Variants in RHOBTB1 observed in about 807,000 individuals in gnomAD.
The protein encoded by RHOBTB1 is rho-related BTB domain-containing protein 1.
RHOBTB1 carries 40 observed loss-of-function variants against 71.6 expected under a neutral mutation model. The ratio of observed to expected loss-of-function variants is 0.56; its 90% confidence interval spans 0.43 to 0.73. The LOEUF (loss-of-function observed/expected upper bound fraction) is 0.73, where lower values mean the gene tolerates loss of function less well. RHOBTB1 is among the 30% of genes least tolerant of loss of function. The pLI is 0.00. For missense variants in RHOBTB1, 797 were observed against 894.0 expected (o/e 0.89, Z 1.38); for synonymous variants, 319 against 334.9 (o/e 0.95, Z 0.52).
intron 1 of RHOBTB1, among the ~76,000 whole-genome samples, chr10:60,994,473 G>C (rs749109387): frequency 2.6e-5 from 4 of 152,080 alleles, no homozygotes; most frequent in Admixed American, 2.0e-4. Flanking sequence ...GGAGAAACAG[G>C]CTTGTGAAAA....
the RHOBTB1 span, among the ~76,000 whole-genome samples, chr10:60,863,239 T>C: frequency 6.6e-6 from 1 of 152,224 alleles, no homozygotes; most frequent in South Asian, 2.1e-4. Context: ...ATGAAGCCCT[T>C]TCAAATAAGC....
chr10:60,969,661 C>T (rs766395366), intron 2 of RHOBTB1, among the ~76,000 whole-genome samples: 4 of 152,040 alleles, frequency 2.6e-5, no homozygotes, highest in Non-Finnish European at 5.9e-5. Flanking sequence ...GTCCTATTGT[C>T]TGTGTGTTTT....
At chr10:60,944,911 A>G (rs1486722927), upstream of RHOBTB1, among the ~76,000 whole-genome samples, 1 of 152,104 alleles carries the variant, frequency 6.6e-6, no homozygotes, top group East Asian at 1.9e-4. Context: ...GGTGATTTAT[A>G]ACCTCCTGCA....
At chr10:60,954,542 A>G (rs1284471308) in intron 2 of RHOBTB1, among the ~76,000 whole-genome samples, 1 of 152,184 alleles carries the variant, frequency 6.6e-6, no homozygotes, top group South Asian at 2.1e-4. Flanking sequence ...ACACCCCATT[A>G]CATTCAAATA....
chr10:60,945,014 C>T (rs563252260), upstream of RHOBTB1, among the ~76,000 whole-genome samples: 58 of 152,234 alleles, frequency 3.8e-4, no homozygotes, highest in African/African-American at 1.3e-3. Flanking sequence ...AAACTTCTCT[C>T]TCTTCCAGGC....
chr10:60,937,385 G>A (rs193171665), intron 2 of RHOBTB1, among the ~76,000 whole-genome samples: 207 of 152,282 alleles, frequency 1.4e-3, no homozygotes, highest in Non-Finnish European at 2.4e-3. Context: ...CAATACTACA[G>A]TGAATTGAAA....
At chr10:60,913,577 A>G (rs991320885) in intron 2 of RHOBTB1, among the ~76,000 whole-genome samples, 2 of 152,234 alleles carry the variant, frequency 1.3e-5, no homozygotes, top group Non-Finnish European at 2.9e-5. Context: ...GTCCTAAACA[A>G]ATCCCAGGGA....
intron 2 of RHOBTB1, among the ~76,000 whole-genome samples, chr10:60,977,585 G>T (rs993462469): frequency 6.6e-6 from 1 of 151,908 alleles, no homozygotes; most frequent in African/African-American, 2.4e-5. Context: ...TAAATCACTT[G>T]GTTCTTTTTT....
chr10:60,923,974 T>C (rs1021646546), intron 2 of RHOBTB1, among the ~76,000 whole-genome samples: 1 of 152,148 alleles, frequency 6.6e-6, no homozygotes, highest in African/African-American at 2.4e-5. Context: ...ATATAGTATG[T>C]GTTCCTGAAG....
At chr10:60,904,087 C>T (rs990557869) in intron 4 of RHOBTB1, among the ~76,000 whole-genome samples, 6 of 151,914 alleles carry the variant, frequency 3.9e-5, no homozygotes, top group Admixed American at 6.6e-5. Flanking sequence ...CTCAACCTCC[C>T]GAGTAGCCAC....
chr10:60,909,971 T>C lies in RHOBTB1; in HGVS notation c.296+916A>G, dbSNP rs115012285. The stretch of plus-strand genomic sequence containing the variant: ...TCAAAGAGCTACTGGCTTGTAGAAA[T>C]AGAAGAATCTTCAGAAATGCTTATC... On this transcript the variant is annotated intron_variant, in intron 4 of 10. Transcript: ENST00000337910. Among the ~76,000 whole-genome samples, 1,161 of 152,290 alleles carry C rather than the reference T, an allele frequency of 7.6e-3. 16 individuals are homozygous for C. Among genetic ancestry groups the C allele is most frequent in the African/African-American group, 0.026 (1,089 of 41,558 alleles).
downstream of RHOBTB1, among the ~76,000 whole-genome samples, chr10:60,866,669 G>T (rs1479530549): frequency 6.6e-6 from 1 of 152,062 alleles, no homozygotes; most frequent in Non-Finnish European, 1.5e-5. Flanking sequence ...GCCCAGAAGT[G>T]GGCTGACTTT....
intron 2 of RHOBTB1, among the ~76,000 whole-genome samples, chr10:60,929,366 C>A (rs565085482): frequency 1.2e-4 from 18 of 152,186 alleles, no homozygotes; most frequent in African/African-American, 4.1e-4. Flanking sequence ...TAATACATTT[C>A]TGACTTGGGC....
At chr10:60,866,476 G>A (rs1412649227), downstream of RHOBTB1, among the ~76,000 whole-genome samples, 4 of 152,216 alleles carry the variant, frequency 2.6e-5, no homozygotes, top group Non-Finnish European at 5.9e-5. Context: ...GGGTATTTTG[G>A]AAGAAAGAGA....
chr10:60,923,887 G>A (rs889419324), intron 2 of RHOBTB1, among the ~76,000 whole-genome samples: 3 of 152,124 alleles, frequency 2.0e-5, no homozygotes, highest in Non-Finnish European at 4.4e-5. Flanking sequence ...CATGGAACAC[G>A]AGTCCATGAA....
intron 2 of RHOBTB1, among the ~76,000 whole-genome samples, chr10:60,933,686 G>A (rs533071532): frequency 6.6e-6 from 1 of 151,450 alleles, no homozygotes; most frequent in African/African-American, 2.4e-5. Context: ...AGGTGAGAGT[G>A]AGAATCCGTC....
intron 2 of RHOBTB1, among the ~76,000 whole-genome samples, chr10:60,924,536 T>A (rs557141529): frequency 1.4e-4 from 22 of 152,162 alleles, no homozygotes; most frequent in African/African-American, 4.8e-4. Context: ...GAGACCCTGA[T>A]ATAGTAAGAG....
intron 2 of RHOBTB1, among the ~76,000 whole-genome samples, chr10:60,970,729 T>G (rs956985919): frequency 1.3e-5 from 2 of 152,096 alleles, no homozygotes; most frequent in East Asian, 1.9e-4. Context: ...TTTTTTTTTC[T>G]GCTTACTTCA....
intron 2 of RHOBTB1, among the ~76,000 whole-genome samples, chr10:60,973,193 C>T (rs975449107): frequency 5.9e-5 from 9 of 151,954 alleles, no homozygotes; most frequent in African/African-American, 9.7e-5. Flanking sequence ...AAACAAGCAG[C>T]GTCTTTCCTC....
Sources: allele counts gnomAD v4.1 joint callset (sites outside exome capture counted in the v4.1 genomes callset), GRCh38; gene constraint gnomAD v4.1.1; transcripts MANE v1.5; gene names NCBI Gene and HGNC (gene_info 2026-07-23, HGNC 2026-07-21).